Variants in TMX3 observed in about 807,000 individuals in gnomAD.
The protein encoded by TMX3 is protein disulfide-isomerase TMX3.
A neutral mutation model predicts 64.4 loss-of-function variants in TMX3; 40 were observed. The ratio of observed to expected loss-of-function variants is 0.62; its 90% CI spans 0.48 to 0.81. TMX3 has a LOEUF of 0.81. Ranked by LOEUF, TMX3 falls within the 30% of genes least tolerant of loss-of-function variation. The pLI, the probability that TMX3 is intolerant of heterozygous loss-of-function variation, is 0.00. For synonymous variants in TMX3, 189 were observed against 175.7 expected, an observed-to-expected ratio of 1.08 and a Z score of -0.60; for missense variants, 497 against 534.5, an observed-to-expected ratio of 0.93 and a Z score of 0.69.
chr18:68,685,094 G>A (rs530726117), intron 10 of TMX3, among the ~76,000 whole-genome samples: 1 of 152,294 alleles, frequency 6.6e-6, no homozygotes, highest in African/African-American at 2.4e-5. Context: ...GAAGAGTGGT[G>A]TTAGAATCAG....
intron 13 of TMX3, 80 bp downstream of exon 13, chr18:68,682,845 T>C: frequency 8.0e-7 from 1 of 1,246,074 alleles, no homozygotes; most frequent in East Asian, 2.5e-5. Context: ...TTTCAGCTAT[T>C]TAATCCTTCT....
At chr18:68,693,570 G>A (rs1434306857) in intron 8 of TMX3, among the ~76,000 whole-genome samples, 1 of 152,160 alleles carries the variant, frequency 6.6e-6, no homozygotes, top group Admixed American at 6.5e-5. Flanking sequence ...GTGTGTGTGT[G>A]TGCTTGGCGC....
At chr18:68,703,611 TGACA>T (rs1568199070) in intron 4 of TMX3, among the ~76,000 whole-genome samples, 1 of 152,180 alleles carries the variant, frequency 6.6e-6, no homozygotes, top group Non-Finnish European at 1.5e-5. Context: ...TAATTTTAAT[TGACA>T]GTAACTTCTA....
At position 68,681,155 on chromosome 18, in the gene TMX3, T is replaced by C. The variant is rs749270536; in HGVS notation, c.906-45A>G. Reference sequence around the variant, plus strand: ...TCAAAATATACATTAAACACAGCAATAGCAAGTATTCTGATATTCATTTAT... The same window carrying C: ...TCAAAATATACATTAAACACAGCAACAGCAAGTATTCTGATATTCATTTAT... On this transcript the variant is annotated intron_variant, in intron 13 of 15. Transcript: ENST00000299608. 14 of 1,439,774 alleles carry C rather than the reference T, an allele frequency of 9.7e-6. No homozygotes were observed. The South Asian group carries it at 1.9e-4, about 20-fold the overall frequency. 89.2% of individuals were successfully genotyped at this position (1,439,774 alleles called of 1,614,324 possible).
rs143201884 is a variant in TMX3, at chr18:68,692,383, G to A, written c.571-1022C>T. Among the ~76,000 whole-genome samples, 450 of 152,066 alleles carry A rather than the reference G, an allele frequency of 3.0e-3. 2 individuals carry two copies. The highest frequency in any genetic ancestry group is 0.014 in the South Asian group (65 of 4,812). ...TATTCTGAAGCTCTCTTCCTCTCCC[G>A]TGTGTTTTTTTCAACCATCTTCTAT... On this transcript the variant is annotated intron_variant, in intron 8 of 15. Coordinates refer to ENST00000299608, the MANE Select transcript of TMX3 (RefSeq NM_019022.5).
chr18:68,684,611 G>T, intron 10 of TMX3, 126 bp from the exon 11 acceptor site: 1 of 749,102 alleles, frequency 1.3e-6, no homozygotes, highest in Non-Finnish European at 2.2e-6. Flanking sequence ...CACCCTACAT[G>T]TTATATCAAA....
intron 7 of TMX3, 136 bp downstream of exon 7, chr18:68,697,796 T>C (rs970372832): frequency 1.2e-5 from 7 of 574,640 alleles, no homozygotes; most frequent in Admixed American, 3.4e-5. Flanking sequence ...GTTTTTATTA[T>C]AAGAAATGCT....
intron 9 of TMX3, among the ~76,000 whole-genome samples, chr18:68,690,420 G>A (rs1266456518): frequency 6.6e-6 from 1 of 152,114 alleles, no homozygotes; most frequent in East Asian, 1.9e-4. Context: ...GCTTTGTGGT[G>A]GCCTACAGAT....
Position 68,676,902 on chromosome 18 carries a change from G to T in TMX3, c.*31C>A. On this transcript the variant is annotated 3_prime_UTR_variant, in exon 16 of 16. Coordinates refer to ENST00000299608, the MANE Select transcript of TMX3 (RefSeq NM_019022.5). ...TAAATAGACTCTTTAATAATTTGAA[G>T]TCCTAACAAATATTTTATAGTCATC... The T allele has an allele frequency of 6.3e-7, 1 of 1,588,592 alleles. No individual in the cohort carries two copies. The highest frequency in any genetic ancestry group is 8.6e-7 in the Non-Finnish European group (1 of 1,169,428).
At chr18:68,709,889 TAC>T (rs996978178) in intron 4 of TMX3, 130 bp downstream of exon 4, 17 of 757,974 alleles carry the variant, frequency 2.2e-5, no homozygotes, top group Middle Eastern at 3.4e-4. Flanking sequence ...TCATAAAGTA[TAC>T]AGTCTTAAAT....
intron 4 of TMX3, among the ~76,000 whole-genome samples, chr18:68,705,074 T>C (rs2145118351): frequency 6.6e-6 from 1 of 152,292 alleles, no homozygotes; most frequent in South Asian, 2.1e-4. Flanking sequence ...TGGCAGTGGT[T>C]TACCATCAAC....
At chr18:68,693,732 CA>C (rs1914770742) in intron 8 of TMX3, among the ~76,000 whole-genome samples, 1 of 151,962 alleles carries the variant, frequency 6.6e-6, no homozygotes, top group Non-Finnish European at 1.5e-5. Flanking sequence ...GGTTCCTAGG[CA>C]GGAAGGGGTG....
intron 15 of TMX3, among the ~76,000 whole-genome samples, chr18:68,678,515 G>T (rs748833457): frequency 6.6e-5 from 10 of 152,198 alleles, no homozygotes; most frequent in South Asian, 6.2e-4. Context: ...AGGAGCAGGG[G>T]AGTAGTGATA....
chr18:68,713,837 T>C lies in TMX3; in HGVS notation c.101+9A>G, dbSNP rs1303540243. ...AAATAATATTTTAAATATATATATG[T>C]ATACTCACGATTCATCTAAATCTTC... On this transcript the variant is annotated intron_variant, in intron 2 of 15. Coordinates refer to ENST00000299608, the MANE Select transcript of TMX3 (RefSeq NM_019022.5). 4 of 1,391,992 alleles carry C rather than the reference T, an allele frequency of 2.9e-6. No homozygotes were observed. In the East Asian group the frequency reaches 7.1e-5, roughly 25 times the overall value. The allele number at this position is 1,391,992 out of a possible 1,614,324, so 86.2% of individuals were successfully genotyped here.
intron 7 of TMX3, 62 bp from the exon 8 acceptor site, chr18:68,697,365 C>T: frequency 1.1e-6 from 1 of 911,530 alleles, no homozygotes; most frequent in South Asian, 1.8e-5. Flanking sequence ...ATTCATTCCT[C>T]ATTAAACAAT....
Position 68,713,813 on chromosome 18 carries a change from A to G in TMX3, c.101+33T>C, listed in dbSNP as rs147088307. ...TCAGATATCTGAGTTGGACAGTTAA[A>G]ATAATATTTTAAATATATATATGTA... On this transcript the variant is annotated intron_variant, in intron 2 of 15. Transcript: ENST00000299608. The G allele has an allele frequency of 1.9e-3, 2,125 of 1,141,694 alleles. 31 individuals carry two copies. In the African/African-American group the frequency reaches 0.03, roughly 16 times the overall value. The allele number at this position is 1,141,694 out of a possible 1,614,324, so 70.7% of individuals were successfully genotyped here.
intron 4 of TMX3, among the ~76,000 whole-genome samples, chr18:68,702,531 C>A (rs772511574): frequency 6.6e-6 from 1 of 151,972 alleles, no homozygotes; most frequent in Non-Finnish European, 1.5e-5. Flanking sequence ...CAAATTAATG[C>A]AACACTACTT....
intron 7 of TMX3, chr18:68,697,583 G>A (rs1457904495): frequency 3.0e-6 from 1 of 333,646 alleles, no homozygotes. Flanking sequence ...TAGACAAAAT[G>A]ATGGTGATGA....
chr18:68,705,062 T>TA (rs2030528697), intron 4 of TMX3, among the ~76,000 whole-genome samples: 1 of 152,188 alleles, frequency 6.6e-6, no homozygotes, highest in South Asian at 2.1e-4. Flanking sequence ...AGGTATAACA[T>TA]ATGGCAGTGG....
Sources: allele counts gnomAD v4.1 joint callset (sites outside exome capture counted in the v4.1 genomes callset), GRCh38; gene constraint gnomAD v4.1.1; transcripts MANE v1.5; gene names NCBI Gene and HGNC (gene_info 2026-07-23, HGNC 2026-07-21).